NIBAN2: variants seen among roughly 807,000 people sequenced by gnomAD.
The protein encoded by NIBAN2 is niban apoptosis regulator 2.
A neutral mutation model predicts 81.8 loss-of-function variants in NIBAN2; 36 were observed. The ratio of observed to expected loss-of-function variants is 0.44; its 90% confidence interval spans 0.34 to 0.58. NIBAN2 has a LOEUF of 0.58. Among genes scored for constraint, NIBAN2 ranks in the 20% least tolerant of loss-of-function variants. The pLI, the probability that NIBAN2 is intolerant of heterozygous loss-of-function variation, is 0.02. For missense variants in NIBAN2, 897 were observed against 1,014.1 expected (o/e 0.88, Z 1.57); for synonymous variants, 445 against 441.6 (o/e 1.01, Z -0.10).
intron 1 of NIBAN2, among the ~76,000 whole-genome samples, chr9:127,567,516 G>A (rs1041350363): frequency 1.3e-5 from 2 of 152,190 alleles, no homozygotes; most frequent in Non-Finnish European, 2.9e-5. Context: ...TTGGGACTTG[G>A]CCCGGGACCA....
chr9:127,549,401 TCA>T (rs1038204713), intron 1 of NIBAN2, among the ~76,000 whole-genome samples: 24 of 148,004 alleles, frequency 1.6e-4, no homozygotes, highest in African/African-American at 6.0e-4. Flanking sequence ...GCACACACAC[TCA>T]CATGCACGCC....
At chr9:127,526,293 C>T (rs1837061351) in intron 3 of NIBAN2, among the ~76,000 whole-genome samples, 1 of 149,856 alleles carries the variant, frequency 6.7e-6, no homozygotes, top group South Asian at 2.1e-4. Context: ...CCAGCTACTC[C>T]TGAGGCTGAG....
Position 127,531,660 on chromosome 9 carries a change from C to T in NIBAN2, c.174G>A (p.Leu58=), listed in dbSNP as rs1776769432. 6.2e-7 allele frequency: 1 copy of T among 1,613,422 alleles called. No homozygotes were observed. The highest frequency in any genetic ancestry group is 8.5e-7 in the Non-Finnish European group (1 of 1,180,008). Residue 58 remains leucine (L), a synonymous_variant, in exon 2 of 14, where the codon CTG becomes CTA. Coordinates refer to ENST00000373312, the MANE Select transcript of NIBAN2 (RefSeq NM_022833.4). Reference sequence around the variant, plus strand: ...CAGCACCTCTCACCTTGCGCCAGAGCAGCTGGGCCTGCGGCAGCCCCGTGC... The same window carrying T: ...CAGCACCTCTCACCTTGCGCCAGAGTAGCTGGGCCTGCGGCAGCCCCGTGC... The part of the protein sequence containing the change: ...IEGTGLPQAQ[L]LWRKVPLDER...
At chr9:127,523,993 C>A in intron 4 of NIBAN2, 147 bp from the exon 5 acceptor site, 1 of 812,372 alleles carries the variant, frequency 1.2e-6, no homozygotes, top group East Asian at 2.6e-5. Context: ...AGCAAGCCGG[C>A]GGGGGTGGGA....
intron 1 of NIBAN2, among the ~76,000 whole-genome samples, chr9:127,564,393 G>A (rs1837822924): frequency 6.6e-6 from 1 of 151,898 alleles, no homozygotes; most frequent in Non-Finnish European, 1.5e-5. Flanking sequence ...GCAGCACTGT[G>A]AATACTAGCA....
At position 127,545,688 on chromosome 9, in the gene NIBAN2, G is replaced by C. The variant is rs576116840; in HGVS notation, c.56-13910C>G. Among the ~76,000 whole-genome samples, 1 of 152,192 alleles carries C rather than the reference G, an allele frequency of 6.6e-6. No homozygotes were observed. The highest frequency in any genetic ancestry group is 1.5e-5 in the Non-Finnish European group (1 of 68,014). The stretch of plus-strand genomic sequence containing the variant: ...TGGGGAAGGGTGAGCTTTGAGGCAG[G>C]AGGGCTGGGAGGAGAGGGCGGGGCT... On this transcript the variant is annotated intron_variant, in intron 1 of 13. Coordinates refer to ENST00000373312, the MANE Select transcript of NIBAN2 (RefSeq NM_022833.4). The surrounding 1 kb of genome is among the most constrained non-coding windows in gnomAD (Gnocchi z 4.7).
chr9:127,567,165 C>G (rs1588192855), intron 1 of NIBAN2, among the ~76,000 whole-genome samples: 1 of 151,996 alleles, frequency 6.6e-6, no homozygotes, highest in South Asian at 2.1e-4. Flanking sequence ...GCCCAGGAGA[C>G]GGGAAGACAG....
At chr9:127,550,982 T>C (rs1837565056) in intron 1 of NIBAN2, among the ~76,000 whole-genome samples, 1 of 152,094 alleles carries the variant, frequency 6.6e-6, no homozygotes, top group Non-Finnish European at 1.5e-5. Flanking sequence ...AAGGCCTGGG[T>C]CCGCCAGCCA....
chr9:127,547,293 G>C (rs967107955), intron 1 of NIBAN2, among the ~76,000 whole-genome samples: 3 of 152,226 alleles, frequency 2.0e-5, no homozygotes, highest in Admixed American at 6.5e-5. Context: ...CACTTTGGGA[G>C]GTCACCTAAG....
At chr9:127,577,700 T>C (rs571285374) in intron 1 of NIBAN2, among the ~76,000 whole-genome samples, 14 of 152,294 alleles carry the variant, frequency 9.2e-5, no homozygotes, top group African/African-American at 3.1e-4. Context: ...TGGGCTTCTC[T>C]GCTATATCTT....
At chr9:127,568,073 T>C (rs543358480) in intron 1 of NIBAN2, among the ~76,000 whole-genome samples, 138 of 152,262 alleles carry the variant, frequency 9.1e-4, no homozygotes, top group Non-Finnish European at 1.6e-3. Context: ...CCCAGGAGCC[T>C]TGGGGACAGC....
rs199562144 is a variant in NIBAN2 at position 127,517,233 on chromosome 9, C to G, written c.706-17G>C. The G allele has an allele frequency of 5.0e-6, 8 of 1,608,894 alleles. No homozygotes were observed. The highest frequency in any genetic ancestry group is 1.7e-5 in the Admixed American group (1 of 59,802). Reference sequence around the variant, plus strand: ...GCTCAGGATCTAGGTTGAGGAGGCACAAGCCAGGCCAGGGGCTGGAGAGCG... The same window carrying G: ...GCTCAGGATCTAGGTTGAGGAGGCAGAAGCCAGGCCAGGGGCTGGAGAGCG... On this transcript the variant is annotated splice_polypyrimidine_tract_variant and intron_variant, in intron 6 of 13. Coordinates refer to ENST00000373312, the MANE Select transcript of NIBAN2 (RefSeq NM_022833.4). The surrounding 1 kb of genome is among the most constrained non-coding windows in gnomAD (Gnocchi z 4.0).
At chr9:127,576,353 G>T (rs1838008790) in intron 1 of NIBAN2, among the ~76,000 whole-genome samples, 1 of 152,040 alleles carries the variant, frequency 6.6e-6, no homozygotes, top group Non-Finnish European at 1.5e-5. Context: ...TCCAGGAAGG[G>T]GGTGCCTTAC....
intron 1 of NIBAN2, among the ~76,000 whole-genome samples, chr9:127,567,204 G>A (rs534601636): frequency 6.1e-4 from 92 of 151,998 alleles, no homozygotes; most frequent in Non-Finnish European, 7.9e-4. Flanking sequence ...ATGGGGAGAG[G>A]AAAAACCCCA....
At chr9:127,535,207 T>C (rs1414054683) in intron 1 of NIBAN2, among the ~76,000 whole-genome samples, 7 of 152,224 alleles carry the variant, frequency 4.6e-5, no homozygotes, top group Admixed American at 4.6e-4. Context: ...TCTGCCACCC[T>C]GGCCCTCACG....
chr9:127,509,225 C>T, intron 9 of NIBAN2, 94 bp from the exon 10 acceptor site: 1 of 1,300,740 alleles, frequency 7.7e-7, no homozygotes, highest in Non-Finnish European at 1.0e-6. Context: ...AAGTCCAGGC[C>T]CTGGGGCTGG....
At chr9:127,530,179 C>T (rs1837151595) in intron 2 of NIBAN2, among the ~76,000 whole-genome samples, 1 of 152,268 alleles carries the variant, frequency 6.6e-6, no homozygotes, top group South Asian at 2.1e-4. Flanking sequence ...GGCCGGGCCA[C>T]AGCAGGCCCC....
At chr9:127,553,630 T>C (rs1837617110) in intron 1 of NIBAN2, among the ~76,000 whole-genome samples, 1 of 152,226 alleles carries the variant, frequency 6.6e-6, no homozygotes, top group South Asian at 2.1e-4. Context: ...AATGGGGTCT[T>C]CGTGCTCAGC....
At chr9:127,533,886 A>C (rs1837227281) in intron 1 of NIBAN2, among the ~76,000 whole-genome samples, 1 of 152,268 alleles carries the variant, frequency 6.6e-6, no homozygotes, top group Non-Finnish European at 1.5e-5. Flanking sequence ...CCAAGTGAAC[A>C]ACCTTTCTGC....
Sources: gnomAD v4.1 joint callset for allele counts (sites outside exome capture counted in the v4.1 genomes callset) on GRCh38, gnomAD v4.1.1 for gene constraint, Gnocchi (gnomAD v3.1) non-coding constraint, MANE v1.5 for transcripts, NCBI Gene and HGNC (gene_info 2026-07-23, HGNC 2026-07-21) for gene names.